Variants in NUB1 observed in about 807,000 individuals in gnomAD.
NUB1 encodes the protein negative regulator of ubiquitin like proteins 1.
Under a neutral mutation model 77.1 loss-of-function variants are expected in NUB1, and 41 were observed. That is an observed-to-expected ratio of 0.53 (90% CI 0.41 to 0.69). NUB1 has a LOEUF of 0.69. NUB1 is among the 30% of genes least tolerant of loss of function. The pLI, the probability that NUB1 is intolerant of heterozygous loss-of-function variation, is 0.00. For missense variants in NUB1, 643 were observed against 743.8 expected, an observed-to-expected ratio of 0.86 and a Z score of 1.58; for synonymous variants, 257 against 281.0, an observed-to-expected ratio of 0.91 and a Z score of 0.85.
chr7:151,343,566 T>C (rs74778987), intron 1 of NUB1, among the ~76,000 whole-genome samples: 14,681 of 152,234 alleles, frequency 0.096, 949 homozygotes, highest in Admixed American at 0.2. Flanking sequence ...TTATTGCTTG[T>C]CTGATTTGGG....
At chr7:151,350,136 A>G (rs1219491826) in intron 3 of NUB1, among the ~76,000 whole-genome samples, 1 of 152,254 alleles carries the variant, frequency 6.6e-6, no homozygotes, top group Non-Finnish European at 1.5e-5. Flanking sequence ...AAAGACGTTA[A>G]TACTTTCACT....
At chr7:151,363,196 G>A (rs1438580772) in intron 8 of NUB1, among the ~76,000 whole-genome samples, 2 of 152,202 alleles carry the variant, frequency 1.3e-5, no homozygotes, top group South Asian at 2.1e-4. Context: ...ACAGAAGATA[G>A]AATTAGTAGA....
chr7:151,341,957 G>T, intron 1 of NUB1, 111 bp downstream of exon 1: 2 of 1,336,348 alleles, frequency 1.5e-6, no homozygotes, highest in South Asian at 1.9e-5. Context: ...GAGCGGCCGC[G>T]GGGCGGGGGT....
chr7:151,347,337 G>T (rs1796546673), intron 2 of NUB1, among the ~76,000 whole-genome samples: 1 of 152,008 alleles, frequency 6.6e-6, no homozygotes, highest in Non-Finnish European at 1.5e-5. Flanking sequence ...GGGAGTTGGA[G>T]ACTGTAGTAT....
chr7:151,368,641 A>T, intron 10 of NUB1, 94 bp from the exon 11 acceptor site: 1 of 1,392,500 alleles, frequency 7.2e-7, no homozygotes, highest in Non-Finnish European at 9.6e-7. Context: ...TTTAATTCAC[A>T]TTGGATACAA....
chr7:151,356,307 G>A (rs1563016789), intron 7 of NUB1, 85 bp downstream of exon 7: 2 of 948,158 alleles, frequency 2.1e-6, no homozygotes, highest in East Asian at 2.6e-5. Context: ...TGTTGGAAGT[G>A]TTGTAAAGGG....
chr7:151,368,923 T>C (rs1039786332), intron 11 of NUB1, 36 bp downstream of exon 11: 2 of 1,558,350 alleles, frequency 1.3e-6, no homozygotes, highest in Non-Finnish European at 1.7e-6. Flanking sequence ...CTCTTGGGTA[T>C]GAAAGAACAA....
At chr7:151,344,948 C>T (rs192695663) in intron 1 of NUB1, among the ~76,000 whole-genome samples, 2,291 of 152,118 alleles carry the variant, frequency 0.015, 45 homozygotes, top group Non-Finnish European at 0.022. Context: ...TGCAGTGAGC[C>T]GAGATCGCAC....
intron 7 of NUB1, among the ~76,000 whole-genome samples, chr7:151,358,861 G>A (rs960872476): frequency 1.4e-4 from 21 of 151,392 alleles, no homozygotes; most frequent in Admixed American, 2.6e-4. Context: ...TCAGGAGATC[G>A]AGACCATCCT....
At chr7:151,371,363 A>ACCCCCC (rs57489077) in intron 11 of NUB1, among the ~76,000 whole-genome samples, 3 of 118,768 alleles carry the variant, frequency 2.5e-5, no homozygotes, top group Non-Finnish European at 5.1e-5. Context: ...TTTTACCCCC[A>ACCCCCC]CCCCCCACCC....
At chr7:151,371,938 G>C (rs1359096493) in intron 11 of NUB1, among the ~76,000 whole-genome samples, 1 of 152,206 alleles carries the variant, frequency 6.6e-6, no homozygotes, top group African/African-American at 2.4e-5. Flanking sequence ...AAACTCCTGG[G>C]TTCAAGCAGT....
chr7:151,360,308 A>G (rs1797314924), intron 8 of NUB1, 61 bp downstream of exon 8: 1 of 847,694 alleles, frequency 1.2e-6, no homozygotes, highest in Non-Finnish European at 2.0e-6. Flanking sequence ...ACTATACAGA[A>G]CACCCTGCCA....
At chr7:151,348,158 T>C (rs1018986640) in intron 2 of NUB1, among the ~76,000 whole-genome samples, 29 of 152,256 alleles carry the variant, frequency 1.9e-4, no homozygotes, top group African/African-American at 7.0e-4. Context: ...GAGATACTCA[T>C]CTGGATTTTT....
At chr7:151,363,944 C>G (rs1797508821) in intron 8 of NUB1, among the ~76,000 whole-genome samples, 1 of 151,672 alleles carries the variant, frequency 6.6e-6, no homozygotes, top group Admixed American at 6.6e-5. Flanking sequence ...CAGGTGCCCA[C>G]TACCACTCCC....
At chr7:151,351,916 A>AACAC (rs1204427761) in intron 4 of NUB1, among the ~76,000 whole-genome samples, 18,435 of 151,004 alleles carry the variant, frequency 0.12, 1,427 homozygotes, top group African/African-American at 0.21. Context: ...CCATCTGTAA[A>AACAC]ACACACACAC....
At chr7:151,367,838 CT>C in intron 9 of NUB1, 22 bp from the exon 10 acceptor site, 3 of 1,458,294 alleles carry the variant, frequency 2.1e-6, no homozygotes, top group East Asian at 2.3e-5. Context: ...CAATTTTATC[CT>C]TTTTTTCTTC....
intron 1 of NUB1, among the ~76,000 whole-genome samples, chr7:151,344,785 A>T (rs1202743133): frequency 2.0e-5 from 3 of 152,074 alleles, no homozygotes; most frequent in Non-Finnish European, 2.9e-5. Context: ...GGATCACTTG[A>T]GGTCAGGAAT....
chr7:151,354,650 T>C (rs1294987936), intron 5 of NUB1, among the ~76,000 whole-genome samples: 1 of 152,228 alleles, frequency 6.6e-6, no homozygotes, highest in Non-Finnish European at 1.5e-5. Context: ...TGCCCTTTAT[T>C]TCTAATTTAT....
Position 151,378,348 on chromosome 7 carries a change from CA to C in NUB1, c.*1126del, listed in dbSNP as rs1798409014. 1 of 152,216 alleles carries C rather than the reference CA, an allele frequency of 6.6e-6. No individual in the cohort carries two copies. The highest frequency in any genetic ancestry group is 1.5e-5 in the Non-Finnish European group (1 of 68,044). 9.4% of individuals were successfully genotyped at this position (152,216 alleles called of 1,614,324 possible). A position where few individuals can be genotyped will look rare whatever the true frequency, so the allele number is the denominator to read the frequency against. Reference sequence around the variant, plus strand: ...GCCGGCTGAAATGCTCCAACTTTTTCAAAGTGTGGGTGGTCCAGTTTGGACT... The same window carrying C: ...GCCGGCTGAAATGCTCCAACTTTTTCAAGTGTGGGTGGTCCAGTTTGGACT... On this transcript the variant is annotated 3_prime_UTR_variant, in exon 15 of 15. Transcript: ENST00000568733.
Sources: gnomAD v4.1 joint callset for allele counts (sites outside exome capture counted in the v4.1 genomes callset) on GRCh38, gnomAD v4.1.1 for gene constraint, MANE v1.5 for transcripts, NCBI Gene and HGNC (gene_info 2026-07-23, HGNC 2026-07-21) for gene names.